The following STRN variants were observed in gnomAD, a reference collection of about 807,000 sequenced individuals.
STRN encodes the protein striatin.
STRN carries 53 observed loss-of-function variants against 96.3 expected under a neutral mutation model. That is an observed-to-expected ratio of 0.55 (90% CI 0.44 to 0.69). STRN has a LOEUF of 0.69. STRN is among the 30% of genes least tolerant of loss of function. The pLI is 0.00. For missense variants in STRN, 987 were observed against 963.9 expected, an observed-to-expected ratio of 1.02 and a Z score of -0.32; for synonymous variants, 428 against 355.9, an observed-to-expected ratio of 1.20 and a Z score of -2.28.
Position 36,845,915 on chromosome 2 carries a change from G to GCACACACACACACACACACACGCATGCA in STRN, c.*3540_*3541insTGCATGCGTGTGTGTGTGTGTGTGTGTG, listed in dbSNP as rs1668059582. The stretch of plus-strand genomic sequence containing the variant: ...CACACACACACACACACGCATGCAT[G>GCACACACACACACACACACACGCATGCA]CACACACACACACACACACACACAC... On this transcript the variant is annotated 3_prime_UTR_variant, in exon 18 of 18. Transcript: ENST00000263918. 6 of 82,922 alleles carry GCACACACACACACACACACACGCATGCA rather than the reference G, an allele frequency of 7.2e-5. No homozygotes were observed. Among genetic ancestry groups the GCACACACACACACACACACACGCATGCA allele is most frequent in the African/African-American group, 2.9e-4 (6 of 20,912 alleles). 5.1% of individuals were successfully genotyped at this position (82,922 alleles called of 1,614,324 possible).
rs559618344 is a variant in STRN, at chr2:36,897,104, T to C, written c.795+2419A>G. On this transcript the variant is annotated intron_variant, in intron 6 of 17. Transcript: ENST00000263918. Reference sequence around the variant, plus strand: ...ATTGCTTGAACCCAGGAGGCGGAGGTTGCAGTCAGCTGAGATTACACCACT... The same window carrying C: ...ATTGCTTGAACCCAGGAGGCGGAGGCTGCAGTCAGCTGAGATTACACCACT... 2.1e-4 allele frequency among the ~76,000 whole-genome samples: 31 copies of C among 150,842 alleles called. No homozygotes were observed. The South Asian group carries it at 6.5e-3, about 32-fold the overall frequency.
chr2:36,862,853 G>C (rs1422283923), intron 12 of STRN, among the ~76,000 whole-genome samples: 1 of 151,888 alleles, frequency 6.6e-6, no homozygotes, highest in African/African-American at 2.4e-5. Flanking sequence ...TCCTGCCTCA[G>C]CCTCTCCGAG....
At chr2:36,870,966 A>C (rs1293309475) in intron 10 of STRN, among the ~76,000 whole-genome samples, 1 of 152,212 alleles carries the variant, frequency 6.6e-6, no homozygotes, top group East Asian at 1.9e-4. Flanking sequence ...TTTTAACAAA[A>C]AAGTTAAAAA....
intron 10 of STRN, among the ~76,000 whole-genome samples, chr2:36,873,974 A>G (rs1402759188): frequency 7.2e-6 from 1 of 138,168 alleles, no homozygotes; most frequent in Non-Finnish European, 1.6e-5. Context: ...AGCAAAAACC[A>G]GCCAGATGCT....
At chr2:36,867,736 G>T in intron 12 of STRN, 78 bp downstream of exon 12, 1 of 956,400 alleles carries the variant, frequency 1.0e-6, no homozygotes, top group Non-Finnish European at 1.5e-6. Flanking sequence ...TACCTAGTAA[G>T]TGAAAGAAAA....
chr2:36,933,708 G>A (rs1409538822), intron 1 of STRN, among the ~76,000 whole-genome samples: 1 of 152,160 alleles, frequency 6.6e-6, no homozygotes, highest in East Asian at 1.9e-4. Flanking sequence ...GGGCTCAGGC[G>A]ATTCTCCTGC....
At chr2:36,853,743 T>A (rs961697146) in intron 15 of STRN, among the ~76,000 whole-genome samples, 64 of 152,242 alleles carry the variant, frequency 4.2e-4, no homozygotes, top group Admixed American at 1.2e-3. Flanking sequence ...TTCATTTTTT[T>A]AAAAAAATAT....
rs542130572 is a variant in STRN at position 36,906,286 on chromosome 2, T to A, written c.413-668A>T. ...TGAGACCAGCCTGGGCAACATGGAG[T>A]AAACCCTGTCTCTACAAAAAAAATT... is the stretch of plus-strand genomic sequence containing the variant. On this transcript the variant is annotated intron_variant, in intron 3 of 17. Coordinates refer to ENST00000263918, the MANE Select transcript of STRN (RefSeq NM_003162.4). Among the ~76,000 whole-genome samples, 135 of 149,464 alleles carry A rather than the reference T, an allele frequency of 9.0e-4. 1 individual carries two copies. Among genetic ancestry groups the A allele is most frequent in the Non-Finnish European group, 1.6e-3 (106 of 67,084 alleles).
intron 14 of STRN, among the ~76,000 whole-genome samples, chr2:36,857,074 G>C (rs865777443): frequency 6.6e-6 from 1 of 150,728 alleles, no homozygotes; most frequent in East Asian, 2.0e-4. Flanking sequence ...GTACGAGAAT[G>C]GGCAAATATA....
intron 1 of STRN, among the ~76,000 whole-genome samples, chr2:36,955,860 C>A (rs1458409037): frequency 6.6e-6 from 1 of 152,134 alleles, no homozygotes; most frequent in African/African-American, 2.4e-5. Flanking sequence ...GGGGATGAGA[C>A]CCAAGTCTAA....
chr2:36,880,268 T>C (rs531954989), intron 9 of STRN, among the ~76,000 whole-genome samples: 1 of 152,276 alleles, frequency 6.6e-6, no homozygotes, highest in African/African-American at 2.4e-5. Context: ...ATGCCCGGCC[T>C]CTACAAAATT....
chr2:36,958,071 C>T (rs1218719234), intron 1 of STRN, among the ~76,000 whole-genome samples: 2 of 151,936 alleles, frequency 1.3e-5, no homozygotes, highest in African/African-American at 4.8e-5. Context: ...AAGCATGTGC[C>T]AACACACCTG....
chr2:36,950,916 T>C (rs2148267936), intron 1 of STRN, among the ~76,000 whole-genome samples: 1 of 152,282 alleles, frequency 6.6e-6, no homozygotes, highest in East Asian at 1.9e-4. Flanking sequence ...TCCAGATAAT[T>C]GAGGCATTTA....
intron 10 of STRN, among the ~76,000 whole-genome samples, chr2:36,871,437 T>A (rs1404709919): frequency 6.6e-6 from 1 of 152,226 alleles, no homozygotes; most frequent in Non-Finnish European, 1.5e-5. Context: ...TATAGTAACA[T>A]GCTGTATAGA....
rs1665166578 is a variant in STRN at position 36,966,431 on chromosome 2, G to C, written c.33C>G (p.Phe11Leu). ...CGCCGGCGCCCGGGTGGTTGTTGCT[G>C]AAGAAGACGCCGGGACCCGCCTGCT... The part of the protein sequence containing the change: MDEQAGPGVF[F>L]SNNHPGAGGA... The change falls in exon 1 of 18, where the codon TTC becomes TTG. Residue 11 changes from phenylalanine (F) to leucine (L), a missense_variant. Physicochemically the swap from Phe to Leu is conservative, Grantham distance 22 (BLOSUM62 0). Coordinates refer to ENST00000263918, the MANE Select transcript of STRN (RefSeq NM_003162.4). 1.4e-6 allele frequency: 2 copies of C among 1,466,962 alleles called. No individual in the cohort carries two copies. The highest frequency in any genetic ancestry group is 1.8e-6 in the Non-Finnish European group (2 of 1,111,008). The allele number at this position is 1,466,962 out of a possible 1,614,324, so 90.9% of individuals were successfully genotyped here.
At chr2:36,919,520 C>CA (rs1670193618) in intron 2 of STRN, among the ~76,000 whole-genome samples, 1 of 151,372 alleles carries the variant, frequency 6.6e-6, no homozygotes, top group Non-Finnish European at 1.5e-5. Flanking sequence ...AAACAGCAGA[C>CA]AGAATAATTA....
chr2:36,966,241 C>G lies in STRN; in HGVS notation c.223G>C (p.Ala75Pro). The change falls in exon 1 of 18, where the codon GCG becomes CCG. Residue 75 changes from alanine (A) to proline (P), a missense_variant. Transcript: ENST00000263918. ...VERAQWEVER[A>P]ELQAQIAFLQ... ...GGGAGGGTCTTTACCTGCAGCTCCG[C>G]CCGCTCCACCTCCCACTGGGCTCTC... The G allele has an allele frequency of 6.4e-7, 1 of 1,572,218 alleles. No individual in the cohort carries two copies. The highest frequency in any genetic ancestry group is 1.1e-5 in the South Asian group (1 of 86,990).
At chr2:36,867,027 C>G (rs971885815) in intron 12 of STRN, among the ~76,000 whole-genome samples, 12 of 152,170 alleles carry the variant, frequency 7.9e-5, no homozygotes, top group African/African-American at 2.9e-4. Flanking sequence ...CTTTTACATT[C>G]AAGGTTAACA....
intron 13 of STRN, among the ~76,000 whole-genome samples, chr2:36,859,444 T>C (rs1340889863): frequency 6.6e-6 from 1 of 152,200 alleles, no homozygotes; most frequent in Non-Finnish European, 1.5e-5. Flanking sequence ...TCTGAAGTAA[T>C]TCTTAGGTTT....
Sources: gnomAD v4.1 joint callset for allele counts (sites outside exome capture counted in the v4.1 genomes callset) on GRCh38, gnomAD v4.1.1 for gene constraint, MANE v1.5 for transcripts, NCBI Gene and HGNC (gene_info 2026-07-23, HGNC 2026-07-21) for gene names.